KAZN: variants seen among roughly 807,000 people sequenced by gnomAD.
KAZN encodes the protein kazrin.
A neutral mutation model predicts 87.4 loss-of-function variants in KAZN; 40 were observed. The ratio of observed to expected loss-of-function variants is 0.46; its 90% confidence interval spans 0.36 to 0.60. The LOEUF is 0.60. KAZN is among the 20% of genes least tolerant of loss of function. The pLI, the probability that KAZN is intolerant of heterozygous loss-of-function variation, is 0.00. For missense variants in KAZN, 898 were observed against 1,073.9 expected (o/e 0.84, Z 2.29); for synonymous variants, 466 against 458.3 (o/e 1.02, Z -0.22).
chr1:14,176,586 C>A (rs890128255), intron 1 of KAZN, among the ~76,000 whole-genome samples: 4 of 152,100 alleles, frequency 2.6e-5, no homozygotes, highest in African/African-American at 9.7e-5. Flanking sequence ...GTCCATCCTT[C>A]TCTGTTTTAG....
intron 1 of KAZN, among the ~76,000 whole-genome samples, chr1:14,007,355 C>G (rs1400224582): frequency 1.3e-5 from 2 of 152,164 alleles, no homozygotes; most frequent in East Asian, 3.8e-4. Context: ...ATTGCTCTTG[C>G]TAGTACTTTC....
At chr1:14,700,674 A>G (rs958130473) in intron 1 of KAZN, among the ~76,000 whole-genome samples, 2 of 152,048 alleles carry the variant, frequency 1.3e-5, no homozygotes, top group Non-Finnish European at 2.9e-5. Context: ...TTGAGCATGT[A>G]TGCCTCTCTC....
intron 2 of KAZN, among the ~76,000 whole-genome samples, chr1:14,519,904 G>T (rs564262932): frequency 6.6e-6 from 1 of 152,240 alleles, no homozygotes; most frequent in Admixed American, 6.5e-5. Flanking sequence ...TCAGAACATA[G>T]AGTGTCCTCA....
At chr1:14,973,954 C>T (rs1050568859) in intron 2 of KAZN, among the ~76,000 whole-genome samples, 3 of 151,938 alleles carry the variant, frequency 2.0e-5, no homozygotes, top group Admixed American at 6.6e-5. Flanking sequence ...TTTGGCAGGG[C>T]TCAGCTAGGC....
chr1:14,416,104 G>A (rs1356742870), intron 2 of KAZN, among the ~76,000 whole-genome samples: 4 of 152,148 alleles, frequency 2.6e-5, no homozygotes, highest in Non-Finnish European at 4.4e-5. Context: ...GTGAAATTCC[G>A]AGGAGCAATG....
chr1:14,619,040 T>C (rs1476593821), intron 1 of KAZN, among the ~76,000 whole-genome samples: 1 of 152,016 alleles, frequency 6.6e-6, no homozygotes, highest in East Asian at 1.9e-4. Flanking sequence ...TCGGTTTGGC[T>C]CAAGATCTGG....
rs368678283 is a variant in KAZN at position 15,036,317 on chromosome 1, C to T, written c.555+1432C>T. On this transcript the variant is annotated intron_variant, in intron 3 of 14. Transcript: ENST00000376030. The stretch of plus-strand genomic sequence containing the variant: ...GCCCTGCCCGCCCAGCTCCCTCTGC[C>T]TAGCCTGCCCCGCCCGGCTCCCCCT... 5.0e-4 allele frequency among the ~76,000 whole-genome samples: 13 copies of T among 25,820 alleles called. No homozygotes were observed. The South Asian group carries it at 5.6e-3, about 11-fold the overall frequency. The allele number at this position is 25,820 out of a possible 152,430, so 16.9% of individuals were successfully genotyped here.
intron 2 of KAZN, among the ~76,000 whole-genome samples, chr1:14,983,409 A>G (rs190146572): frequency 3.3e-5 from 5 of 152,182 alleles, no homozygotes; most frequent in South Asian, 2.1e-4. Flanking sequence ...TTGCTCGCCT[A>G]TCAGGTTGGC....
intron 2 of KAZN, among the ~76,000 whole-genome samples, chr1:14,231,670 G>A (rs2100542883): frequency 6.6e-6 from 1 of 152,202 alleles, no homozygotes; most frequent in South Asian, 2.1e-4. Flanking sequence ...GCAATAACTG[G>A]TTATCAGTAT....
intron 1 of KAZN, among the ~76,000 whole-genome samples, chr1:14,010,551 C>T (rs907908088): frequency 3.9e-5 from 6 of 152,326 alleles, no homozygotes; most frequent in African/African-American, 1.4e-4. Context: ...CAGCCAAAAG[C>T]AGCCTCTCCA....
rs1011327206 is a variant in KAZN at position 14,803,792 on chromosome 1, G to A, written c.227-156892G>A. Reference sequence around the variant, plus strand: ...CGGAGGGCTGGCACTCCACATTGGCGCTCTGGAGCCACTGGATGTGGTCAG... The same window carrying A: ...CGGAGGGCTGGCACTCCACATTGGCACTCTGGAGCCACTGGATGTGGTCAG... On this transcript the variant is annotated intron_variant, in intron 1 of 14. Coordinates refer to ENST00000376030, the MANE Select transcript of KAZN (RefSeq NM_201628.3). Among the ~76,000 whole-genome samples, 11 of 152,330 alleles carry A rather than the reference G, an allele frequency of 7.2e-5. No individual in the cohort carries two copies. The South Asian group carries it at 1.5e-3, about 20-fold the overall frequency.
chr1:14,781,008 C>T (rs539048329), intron 1 of KAZN, among the ~76,000 whole-genome samples: 3 of 152,150 alleles, frequency 2.0e-5, no homozygotes, highest in Admixed American at 1.3e-4. Flanking sequence ...CTGAAGGCAC[C>T]GAGAGTAAAT....
At chr1:14,219,883 A>G (rs1647054435) in intron 2 of KAZN, among the ~76,000 whole-genome samples, 1 of 152,208 alleles carries the variant, frequency 6.6e-6, no homozygotes, top group Admixed American at 6.5e-5. Flanking sequence ...CATATGTTCT[A>G]GTTTGCATCA....
At chr1:14,176,781 T>C (rs1471727403) in intron 1 of KAZN, among the ~76,000 whole-genome samples, 1 of 152,196 alleles carries the variant, frequency 6.6e-6, no homozygotes, top group Non-Finnish European at 1.5e-5. Context: ...TTTGTTTAAT[T>C]TTTTTAGGGA....
At chr1:14,591,359 G>A (rs1676188498) in intron 2 of KAZN, among the ~76,000 whole-genome samples, 1 of 151,766 alleles carries the variant, frequency 6.6e-6, no homozygotes, top group Non-Finnish European at 1.5e-5. Context: ...CTGTGACAGA[G>A]TCGAGAACCC....
At position 14,848,857 on chromosome 1, in the gene KAZN, T is replaced by C. The variant is rs886891526; in HGVS notation, c.227-111827T>C. On this transcript the variant is annotated intron_variant, in intron 1 of 14. Transcript: ENST00000376030. Reference sequence around the variant, plus strand: ...AGTTGGTGGAGACATCTGTGTAGCGTAGCGTGTCCTGGGAGCGCCTTGGAA... The same window carrying C: ...AGTTGGTGGAGACATCTGTGTAGCGCAGCGTGTCCTGGGAGCGCCTTGGAA... Among the ~76,000 whole-genome samples the C allele has an allele frequency of 5.3e-5, 8 of 152,150 alleles. No individual in the cohort carries two copies. The East Asian group carries it at 1.3e-3, about 26-fold the overall frequency.
intron 1 of KAZN, among the ~76,000 whole-genome samples, chr1:14,150,610 TA>T (rs1645451116): frequency 6.6e-6 from 1 of 152,222 alleles, no homozygotes; most frequent in African/African-American, 2.4e-5. Context: ...TTAATTGAAC[TA>T]GGCCTGGGAA....
In KAZN at chr1:15,060,230, C is replaced by G; in HGVS notation, c.975C>G (p.Ala325=). The G allele has an allele frequency of 6.2e-7, 1 of 1,614,244 alleles. No individual in the cohort carries two copies. Among genetic ancestry groups the G allele is most frequent in the Non-Finnish European group, 8.5e-7 (1 of 1,180,042 alleles). Residue 325 remains alanine, a synonymous_variant, in exon 6 of 15, where the codon GCC becomes GCG. Transcript: ENST00000376030. ...RQPSVISDAS[A]AEGDRSSTPS... ...CCTCTGTCATCTCCGACGCATCTGC[C>G]GCCGAAGGCGACCGGTCGTCCACAC...
At chr1:14,159,358 G>A (rs1645662683) in intron 1 of KAZN, among the ~76,000 whole-genome samples, 2 of 152,072 alleles carry the variant, frequency 1.3e-5, no homozygotes, top group African/African-American at 4.8e-5. Flanking sequence ...CCTTTCCAAG[G>A]GCAGAAGAGC....
Sources: gnomAD v4.1 joint callset for allele counts (sites outside exome capture counted in the v4.1 genomes callset) on GRCh38, gnomAD v4.1.1 for gene constraint, MANE v1.5 for transcripts, NCBI Gene and HGNC (gene_info 2026-07-23, HGNC 2026-07-21) for gene names.